The following LSAMP variants were observed in gnomAD, a reference collection of about 807,000 sequenced individuals.
The protein encoded by LSAMP is limbic system associated membrane protein, also known as limbic system-associated membrane protein.
A neutral mutation model predicts 38.6 loss-of-function variants in LSAMP; 7 were observed. The observed-to-expected ratio is 0.18, with a 90% confidence interval of 0.10 to 0.34. The LOEUF (loss-of-function observed/expected upper bound fraction) is 0.34, where lower values mean the gene tolerates loss of function less well. LSAMP is among the 10% of genes least tolerant of loss of function. LSAMP has a pLI of 1.00. For missense variants in LSAMP, 313 were observed against 420.0 expected, an observed-to-expected ratio of 0.75 and a Z score of 2.23; for synonymous variants, 154 against 166.8, an observed-to-expected ratio of 0.92 and a Z score of 0.59.
intron 1 of LSAMP, among the ~76,000 whole-genome samples, chr3:116,444,015 C>G (rs374002296): frequency 6.6e-6 from 1 of 152,138 alleles, no homozygotes. Context: ...ACTTGGGACT[C>G]TTCTTTCCAA....
intron 1 of LSAMP, among the ~76,000 whole-genome samples, chr3:116,265,804 T>C (rs957771823): frequency 6.7e-6 from 1 of 149,470 alleles, no homozygotes; most frequent in African/African-American, 2.4e-5. Flanking sequence ...CTTAGAATGA[T>C]GGCAGTTGTC....
At chr3:115,815,063 G>A (rs1015411282) in intron 6 of LSAMP, among the ~76,000 whole-genome samples, 5 of 152,108 alleles carry the variant, frequency 3.3e-5, no homozygotes, top group African/African-American at 4.8e-5. Context: ...GGGGAAATAC[G>A]GTAGTCCCCC....
At chr3:116,262,377 G>A (rs146116236) in intron 1 of LSAMP, among the ~76,000 whole-genome samples, 7 of 152,274 alleles carry the variant, frequency 4.6e-5, no homozygotes, top group African/African-American at 1.7e-4. Context: ...GGGTGGTAAG[G>A]TTTCTAGGTA....
intron 1 of LSAMP, among the ~76,000 whole-genome samples, chr3:116,389,249 CA>C (rs2048663518): frequency 6.6e-6 from 1 of 152,078 alleles, no homozygotes; most frequent in African/African-American, 2.4e-5. Context: ...GTGTCTCTTC[CA>C]AAAGCTAGCC....
chr3:116,387,093 G>T (rs985146691), intron 1 of LSAMP, among the ~76,000 whole-genome samples: 9 of 152,140 alleles, frequency 5.9e-5, no homozygotes, highest in Admixed American at 5.9e-4. Flanking sequence ...ATCAGCCTAA[G>T]AAGTATTGAC....
rs780143395 is a variant in LSAMP, at chr3:116,086,314, C to A, written c.388+10G>T. ...TTTCTTACCACCCTTCTATCCCACA[C>A]TTTCCTTACCTTGTACGATCAAGTA... On this transcript the variant is annotated intron_variant, in intron 2 of 6. Coordinates refer to ENST00000490035, the MANE Select transcript of LSAMP (RefSeq NM_002338.5). 5.0e-6 allele frequency: 8 copies of A among 1,610,676 alleles called. No homozygotes were observed. The highest frequency in any genetic ancestry group is 6.8e-6 in the Non-Finnish European group (8 of 1,176,906).
intron 3 of LSAMP, among the ~76,000 whole-genome samples, chr3:115,943,170 C>T (rs1937984999): frequency 6.6e-6 from 1 of 152,144 alleles, no homozygotes; most frequent in South Asian, 2.1e-4. Context: ...TGTGGTACAG[C>T]CAATGAGCTA....
At chr3:116,087,481 CA>C (rs1708017779) in intron 1 of LSAMP, among the ~76,000 whole-genome samples, 1 of 152,000 alleles carries the variant, frequency 6.6e-6, no homozygotes, top group Non-Finnish European at 1.5e-5. Flanking sequence ...TAGCAGAAAA[CA>C]AAAACAAAAA....
intron 1 of LSAMP, among the ~76,000 whole-genome samples, chr3:116,187,240 C>G (rs952936076): frequency 1.3e-5 from 2 of 152,114 alleles, no homozygotes; most frequent in African/African-American, 2.4e-5. Context: ...AAAAAGTGGA[C>G]TGGCTCAAGG....
intron 6 of LSAMP, among the ~76,000 whole-genome samples, chr3:115,820,244 A>G (rs569456226): frequency 4.6e-5 from 7 of 152,298 alleles, no homozygotes; most frequent in African/African-American, 1.7e-4. Context: ...ACAACCTGGA[A>G]CCTATGATTT....
At chr3:115,955,505 C>T (rs1938427406) in intron 3 of LSAMP, among the ~76,000 whole-genome samples, 1 of 152,112 alleles carries the variant, frequency 6.6e-6, no homozygotes, top group Non-Finnish European at 1.5e-5. Flanking sequence ...GTACTAAGTG[C>T]TAGGGATATA....
At chr3:116,072,156 C>T (rs982407330) in intron 2 of LSAMP, among the ~76,000 whole-genome samples, 1 of 151,634 alleles carries the variant, frequency 6.6e-6, no homozygotes, top group African/African-American at 2.4e-5. Flanking sequence ...TTTGTATTTT[C>T]AGTAGAGATG....
At chr3:116,303,261 T>C (rs1282090139) in intron 1 of LSAMP, among the ~76,000 whole-genome samples, 1 of 152,042 alleles carries the variant, frequency 6.6e-6, no homozygotes, top group African/African-American at 2.4e-5. Flanking sequence ...GAAATAAAGA[T>C]TTTTTTTAGA....
In LSAMP at chr3:116,406,621, A is replaced by G. The variant is rs548436403; in HGVS notation, c.155+38256T>C. Among the ~76,000 whole-genome samples the G allele has an allele frequency of 3.3e-5, 5 of 152,188 alleles. No homozygotes were observed. In the South Asian group the frequency reaches 1.0e-3, roughly 32 times the overall value. On this transcript the variant is annotated intron_variant, in intron 1 of 6. Coordinates refer to ENST00000490035, the MANE Select transcript of LSAMP (RefSeq NM_002338.5). ...CTTCTCATCCTTTGATTAGGAATTG[A>G]GTAGAAAATGATTGCTATTGCAATA...
intron 2 of LSAMP, among the ~76,000 whole-genome samples, chr3:116,034,226 A>G (rs1329848732): frequency 6.6e-6 from 1 of 152,128 alleles, no homozygotes; most frequent in Non-Finnish European, 1.5e-5. Context: ...AGACTGCACA[A>G]GGCAGAGACA....
chr3:116,410,715 A>G (rs937821269), intron 1 of LSAMP, among the ~76,000 whole-genome samples: 1 of 152,202 alleles, frequency 6.6e-6, no homozygotes, highest in Non-Finnish European at 1.5e-5. Context: ...CCAACCCCAT[A>G]GCCACATCAG....
intron 1 of LSAMP, among the ~76,000 whole-genome samples, chr3:116,336,391 A>T: frequency 6.6e-6 from 1 of 152,044 alleles, no homozygotes; most frequent in African/African-American, 2.4e-5. Context: ...GAATATGGAG[A>T]AAGTACCTAA....
Position 115,804,777 on chromosome 3 carries a change from A to T in LSAMP, c.*5540T>A, listed in dbSNP as rs1419587664. 6.6e-6 allele frequency: 1 copy of T among 152,170 alleles called. No individual in the cohort carries two copies. Among genetic ancestry groups the T allele is most frequent in the Non-Finnish European group, 1.5e-5 (1 of 68,034 alleles). The allele number at this position is 152,170 out of a possible 1,614,324, so 9.4% of individuals were successfully genotyped here. On this transcript the variant is annotated 3_prime_UTR_variant, in exon 7 of 7. Coordinates refer to ENST00000490035, the MANE Select transcript of LSAMP (RefSeq NM_002338.5). The stretch of plus-strand genomic sequence containing the variant: ...TCCTGTTACACGTGTCAGGCACTTC[A>T]AAAAGACTCCAAGAGAACATGCCTG...
chr3:116,377,139 G>A (rs777433098), intron 1 of LSAMP, among the ~76,000 whole-genome samples: 22 of 151,916 alleles, frequency 1.4e-4, no homozygotes, highest in Non-Finnish European at 2.6e-4. Flanking sequence ...AGGTAAATGC[G>A]TGCCATGGTG....
Sources: gnomAD v4.1 joint callset for allele counts (sites outside exome capture counted in the v4.1 genomes callset) on GRCh38, gnomAD v4.1.1 for gene constraint, MANE v1.5 for transcripts, NCBI Gene and HGNC (gene_info 2026-07-23, HGNC 2026-07-21) for gene names.